ZNF853: variants seen among roughly 807,000 people sequenced by gnomAD.
ZNF853 encodes the protein zinc finger protein 853.
ZNF853 carries 57 observed loss-of-function variants against 94.7 expected under a neutral mutation model. The ratio of observed to expected loss-of-function variants is 0.60; its 90% CI spans 0.49 to 0.75. The LOEUF is 0.75. Among genes scored for constraint, ZNF853 ranks in the 30% least tolerant of loss-of-function variants. ZNF853 has a pLI of 0.00. For missense variants in ZNF853, 785 were observed against 868.9 expected (o/e 0.90, Z 1.21); for synonymous variants, 448 against 406.3 (o/e 1.10, Z -1.23).
In ZNF853 at chr7:6,622,946, C is replaced by G; in HGVS notation, c.1955C>G (p.Thr652Ser). ...CGCGCGGAGCAGGCCGCTACAGCCA[C>G]TGCGCCCGCAGACAAGGCGCTGTGA... is the stretch of plus-strand genomic sequence containing the variant. ...PARAEQAATA[T>S]APADKAL Residue 652 changes from threonine to serine, a missense_variant, in exon 3 of 3, where the codon ACT (threonine) becomes AGT (serine). Thr to Ser is a moderately conservative substitution (Grantham distance 58). Coordinates refer to ENST00000457543, the MANE Select transcript of ZNF853 (RefSeq NM_017560.3). 3 of 1,252,198 alleles carry G rather than the reference C, an allele frequency of 2.4e-6. No individual in the cohort carries two copies. Among genetic ancestry groups the G allele is most frequent in the Non-Finnish European group, 3.0e-6 (3 of 1,000,600 alleles). 77.6% of individuals were successfully genotyped at this position (1,252,198 alleles called of 1,614,324 possible). A position where few individuals can be genotyped will look rare whatever the true frequency, so the allele number is the denominator to read the frequency against.
rs1251522063 is a variant in ZNF853, at chr7:6,621,305, A to G, written c.314A>G (p.Gln105Arg). 1.3e-6 allele frequency: 2 copies of G among 1,551,366 alleles called. No homozygotes were observed. The highest frequency in any genetic ancestry group is 2.4e-5 in the South Asian group (2 of 84,044). ...CAGCCCGAGCCGCAGCAACAGCCGCAACACGAGCAGCTGCAACAGCCGCAG... is the reference window on the plus strand; with the variant it reads ...CAGCCCGAGCCGCAGCAACAGCCGCGACACGAGCAGCTGCAACAGCCGCAG... Reference protein sequence around the residue: ...EQQPEPQQQPQHEQLQQPQPH... With the variant: ...EQQPEPQQQPRHEQLQQPQPH... Residue 105 changes from glutamine to arginine, a missense_variant, in exon 3 of 3, where the codon CAA (glutamine) becomes CGA (arginine). Physicochemically the swap from Gln to Arg is conservative, Grantham distance 43. Transcript: ENST00000457543.
chr7:6,622,595 A>C lies in ZNF853; in HGVS notation c.1604A>C (p.His535Pro). Reference protein sequence around the residue: ...HSNLVTHQRIHTGEKPYACSY... With the variant: ...HSNLVTHQRIPTGEKPYACSY... ...AATCTGGTGACGCACCAACGCATCC[A>C]CACGGGCGAGAAACCCTACGCCTGC... The change falls in exon 3 of 3, where the codon CAC (histidine) becomes CCC (proline). Residue 535 changes from histidine (H) to proline (P), a missense_variant. Transcript: ENST00000457543. 1 of 1,578,588 alleles carries C rather than the reference A, an allele frequency of 6.3e-7. No individual in the cohort carries two copies. The highest frequency in any genetic ancestry group is 2.3e-5 in the East Asian group (1 of 42,710).
chr7:6,616,520 G>A, intron 1 of ZNF853, among the ~76,000 whole-genome samples: 1 of 152,108 alleles, frequency 6.6e-6, no homozygotes, highest in Non-Finnish European at 1.5e-5. Context: ...CAGGAGGATC[G>A]CCTGAGGCCA....
Position 6,621,378 on chromosome 7 carries a change from G to A in ZNF853, c.387G>A (p.Gln129=). Residue 129 remains glutamine, a synonymous_variant, in exon 3 of 3, where the codon CAG becomes CAA. Transcript: ENST00000457543. ...AGCCGCAGCAAGATGGGCAACAACA[G>A]CTATCTCAACTACAACAGGAAAAAC... is the stretch of plus-strand genomic sequence containing the variant. ...QQQPQQDGQQ[Q]LSQLQQEKHQ... 6.4e-7 allele frequency: 1 copy of A among 1,551,700 alleles called. No individual in the cohort carries two copies. Among genetic ancestry groups the A allele is most frequent in the Non-Finnish European group, 8.7e-7 (1 of 1,147,004 alleles).
At chr7:6,618,704 C>T in intron 2 of ZNF853, among the ~76,000 whole-genome samples, 1 of 152,102 alleles carries the variant, frequency 6.6e-6, no homozygotes, top group Admixed American at 6.6e-5. Flanking sequence ...GAGTGAGATC[C>T]TGTTTAAAAC....
At chr7:6,617,351 TGCTGTGGCA>T in intron 2 of ZNF853, 44 bp downstream of exon 2, 1 of 1,357,582 alleles carries the variant, frequency 7.4e-7, no homozygotes, top group African/African-American at 1.5e-5. Flanking sequence ...CATGCCTGCC[TGCTGTGGCA>T]GAAAGAGGCT....
intron 2 of ZNF853, among the ~76,000 whole-genome samples, chr7:6,619,888 G>T: frequency 6.6e-6 from 1 of 152,168 alleles, no homozygotes; most frequent in African/African-American, 2.4e-5. Context: ...AAAGTGTTGC[G>T]ATTACAAGCA....
In ZNF853 at chr7:6,623,254, T is replaced by C. The variant is rs1368396505; in HGVS notation, c.*283T>C. ...CCCTTTGAGGGGTCTGCCAAAGGTT[T>C]TCCCTCCGGGAAAACTGGACTTACT... On this transcript the variant is annotated 3_prime_UTR_variant, in exon 3 of 3. Transcript: ENST00000457543. 6.0e-5 allele frequency: 24 copies of C among 399,516 alleles called. No individual in the cohort carries two copies. The highest frequency in any genetic ancestry group is 1.3e-5 in the Non-Finnish European group (3 of 227,110). The allele number at this position is 399,516 out of a possible 1,614,324, so 24.7% of individuals were successfully genotyped here.
chr7:6,617,698 C>T, intron 2 of ZNF853: 1 of 966,282 alleles, frequency 1.0e-6, no homozygotes, highest in Non-Finnish European at 1.2e-6. Flanking sequence ...CCCTCCTGCC[C>T]CAGATGTTGG....
intron 2 of ZNF853, among the ~76,000 whole-genome samples, chr7:6,620,439 C>G: frequency 6.6e-6 from 1 of 152,096 alleles, no homozygotes; most frequent in Non-Finnish European, 1.5e-5. Flanking sequence ...CAGGGAGCCC[C>G]CAGCATCCCT....
chr7:6,622,407 A>T lies in ZNF853; in HGVS notation c.1416A>T (p.Ala472=). 2 of 1,406,808 alleles carry T rather than the reference A, an allele frequency of 1.4e-6. No homozygotes were observed. The highest frequency in any genetic ancestry group is 1.8e-6 in the Non-Finnish European group (2 of 1,089,160). The allele number at this position is 1,406,808 out of a possible 1,614,324, so 87.1% of individuals were successfully genotyped here. The part of the protein sequence containing the change: ...GPAGSAALTP[A]RQRRRRRARD... Reference sequence around the variant, plus strand: ...CAGGCAGCGCGGCGTTGACCCCTGCACGGCAGCGGCGGCGGCGGCGCGCTC... The same window carrying T: ...CAGGCAGCGCGGCGTTGACCCCTGCTCGGCAGCGGCGGCGGCGGCGCGCTC... The change falls in exon 3 of 3, where the codon GCA becomes GCT. Residue 472 remains alanine, a synonymous_variant. Coordinates refer to ENST00000457543, the MANE Select transcript of ZNF853 (RefSeq NM_017560.3).
Position 6,615,632 on chromosome 7 carries a change from C to A in ZNF853, c.-543C>A, listed in dbSNP as rs1338006105. The A allele has an allele frequency of 1.4e-5, 2 of 145,682 alleles. No individual in the cohort carries two copies. The highest frequency in any genetic ancestry group is 2.5e-5 in the African/African-American group (1 of 40,642). The allele number at this position is 145,682 out of a possible 1,614,324, so 9.0% of individuals were successfully genotyped here. On this transcript the variant is annotated 5_prime_UTR_variant, in exon 1 of 3. Transcript: ENST00000457543. The surrounding 1 kb of genome is among the most constrained non-coding windows in gnomAD (Gnocchi z 8.5). ...CCCGCCCCCGGCCCGGCCAGCGGCC[C>A]GCACGGACGCACTCCCGGGCGGGCG...
chr7:6,617,243 C>T lies in ZNF853; in HGVS notation c.66C>T (p.Thr22=), dbSNP rs1272741267. The T allele has an allele frequency of 5.2e-6, 8 of 1,532,362 alleles. No individual in the cohort carries two copies. The highest frequency in any genetic ancestry group is 2.5e-5 in the East Asian group (1 of 39,432). The allele number at this position is 1,532,362 out of a possible 1,614,324, so 94.9% of individuals were successfully genotyped here. ...LTARMEVGPA[T]ETFVLELQCL... is the part of the protein sequence containing the mutation. The stretch of plus-strand genomic sequence containing the variant: ...CCAGGATGGAAGTGGGGCCAGCCAC[C>T]GAGACCTTCGTGCTGGAACTTCAAT... The change falls in exon 2 of 3, where the codon ACC becomes ACT. Residue 22 remains threonine, a synonymous_variant. Coordinates refer to ENST00000457543, the MANE Select transcript of ZNF853 (RefSeq NM_017560.3).
chr7:6,621,735 A>G lies in ZNF853; in HGVS notation c.744A>G (p.Gly248=). 6.4e-7 allele frequency: 1 copy of G among 1,550,620 alleles called. No individual in the cohort carries two copies. Among genetic ancestry groups the G allele is most frequent in the African/African-American group, 1.4e-5 (1 of 73,058 alleles). Residue 248 remains glycine, a synonymous_variant, in exon 3 of 3, where the codon GGA becomes GGG. Transcript: ENST00000457543. ...AGCTACTATTGCTGCAGCAGCAGGG[A>G]CAGTTACAGCAGCAACTGTTGCAGC... is the stretch of plus-strand genomic sequence containing the variant. ...QQQLLLLQQQ[G]QLQQQLLQQQ... is the part of the protein sequence containing the mutation.
In ZNF853 at chr7:6,616,178, C is replaced by A. The variant is rs1264480068; in HGVS notation, c.4C>A (p.Leu2Ile). The change falls in exon 1 of 3, where the codon CTC becomes ATC. Residue 2 changes from leucine (L) to isoleucine (I), a missense_variant. Leu to Ile is a conservative substitution (Grantham distance 5, BLOSUM62 2). Coordinates refer to ENST00000457543, the MANE Select transcript of ZNF853 (RefSeq NM_017560.3). Reference sequence around the variant, plus strand: ...AGAGGCTGCCCGGGAGCAGGAAATGCTCCACCAGGTGAGGCCCAGGGGGTC... The same window carrying A: ...AGAGGCTGCCCGGGAGCAGGAAATGATCCACCAGGTGAGGCCCAGGGGGTC... MLHQPTPGNRGL... is the reference protein window; with the variant it reads MIHQPTPGNRGL... 1 of 1,548,096 alleles carries A rather than the reference C, an allele frequency of 6.5e-7. No individual in the cohort carries two copies. Among genetic ancestry groups the A allele is most frequent in the Admixed American group, 2.0e-5 (1 of 50,804 alleles).
chr7:6,621,145 CAGG>C lies in ZNF853; in HGVS notation c.162_164del (p.Glu56del). The C allele has an allele frequency of 6.8e-7, 1 of 1,467,566 alleles. No homozygotes were observed. Among genetic ancestry groups the C allele is most frequent in the Non-Finnish European group, 9.0e-7 (1 of 1,109,784 alleles). The allele number at this position is 1,467,566 out of a possible 1,614,324, so 90.9% of individuals were successfully genotyped here. A position where few individuals can be genotyped will look rare whatever the true frequency, so the allele number is the denominator to read the frequency against. On this transcript the variant is annotated inframe_deletion, in exon 3 of 3. Coordinates refer to ENST00000457543, the MANE Select transcript of ZNF853 (RefSeq NM_017560.3). ...AGGTGGCAGCGGTGGGAGCGAGAGT[CAGG>C]AGGAGGAAGAGCCTCAGGAGAGGAA...
In ZNF853 at chr7:6,617,180, T is replaced by A; in HGVS notation, c.13-10T>A. On this transcript the variant is annotated splice_polypyrimidine_tract_variant and intron_variant, in intron 1 of 2. Transcript: ENST00000457543. The stretch of plus-strand genomic sequence containing the variant: ...AGCCTGGCTAAACTGCTTCCTTCCT[T>A]TCAGCACAGCCGACTCCCGGGAATC... The A allele has an allele frequency of 3.9e-6, 6 of 1,539,742 alleles. No homozygotes were observed. The highest frequency in any genetic ancestry group is 1.7e-4 in the Middle Eastern group (1 of 5,942).
intron 1 of ZNF853, among the ~76,000 whole-genome samples, chr7:6,616,888 G>C: frequency 1.3e-5 from 2 of 152,186 alleles, no homozygotes; most frequent in African/African-American, 4.8e-5. Context: ...GATACCCACA[G>C]TTGTGTCTCT....
At position 6,615,631 on chromosome 7, in the gene ZNF853, C is replaced by T. The variant is rs959833346; in HGVS notation, c.-544C>T. 1 of 145,618 alleles carries T rather than the reference C, an allele frequency of 6.9e-6. No homozygotes were observed. Among genetic ancestry groups the T allele is most frequent in the African/African-American group, 2.5e-5 (1 of 40,622 alleles). The allele number at this position is 145,618 out of a possible 1,614,324, so 9.0% of individuals were successfully genotyped here. ...CCCCGCCCCCGGCCCGGCCAGCGGC[C>T]CGCACGGACGCACTCCCGGGCGGGC... On this transcript the variant is annotated 5_prime_UTR_variant, in exon 1 of 3. Transcript: ENST00000457543. The surrounding 1 kb of genome is among the most constrained non-coding windows in gnomAD (Gnocchi z 8.5).
Sources: allele counts gnomAD v4.1 joint callset (sites outside exome capture counted in the v4.1 genomes callset), GRCh38; gene constraint gnomAD v4.1.1; non-coding constraint Gnocchi (gnomAD v3.1); transcripts MANE v1.5; gene names NCBI Gene and HGNC (gene_info 2026-07-23, HGNC 2026-07-21).